SOAT1: variants seen among roughly 807,000 people sequenced by gnomAD.
The protein encoded by SOAT1 is sterol O-acyltransferase 1.
SOAT1 carries 55 observed loss-of-function variants against 69.5 expected under a neutral mutation model. The observed-to-expected ratio is 0.79, with a 90% CI of 0.64 to 0.99. The LOEUF (loss-of-function observed/expected upper bound fraction) is 0.99. Among genes scored for constraint, SOAT1 ranks in the 50% least tolerant of loss-of-function variants. The probability of loss-of-function intolerance (pLI) is 0.00; values close to 1 mark genes in which losing one functional copy is unlikely to be tolerated. For synonymous variants in SOAT1, 231 were observed against 224.7 expected (o/e 1.03, Z -0.25); for missense variants, 580 against 669.3 (o/e 0.87, Z 1.47).
chr1:179,297,631 G>A (rs1267914117), intron 1 of SOAT1, among the ~76,000 whole-genome samples: 1 of 149,788 alleles, frequency 6.7e-6, no homozygotes, highest in Non-Finnish European at 1.5e-5. Flanking sequence ...CGGTGCGCTT[G>A]TTTAAGAAAC....
chr1:179,350,892 T>C (rs1164516896), intron 14 of SOAT1, among the ~76,000 whole-genome samples: 7 of 152,172 alleles, frequency 4.6e-5, no homozygotes, highest in Admixed American at 3.3e-4. Flanking sequence ...TATTTTTCTT[T>C]ATAGAAACAG....
chr1:179,339,963 C>T (rs61824388), intron 6 of SOAT1, among the ~76,000 whole-genome samples: 35,893 of 152,068 alleles, frequency 0.24, 4,838 homozygotes, highest in East Asian at 0.38. Flanking sequence ...GCAAAACACA[C>T]ATATAAGAAT....
intron 2 of SOAT1, among the ~76,000 whole-genome samples, chr1:179,308,620 C>T (rs934475076): frequency 6.8e-6 from 1 of 147,660 alleles, no homozygotes; most frequent in Admixed American, 7.0e-5. Context: ...TTCAGTGAGC[C>T]GAGACCGCGC....
chr1:179,314,666 C>T (rs2124951889), intron 2 of SOAT1, among the ~76,000 whole-genome samples: 1 of 152,124 alleles, frequency 6.6e-6, no homozygotes, highest in South Asian at 2.1e-4. Context: ...CTTCAAGTGA[C>T]CCTCCTGTCT....
intron 2 of SOAT1, among the ~76,000 whole-genome samples, chr1:179,318,358 G>A (rs1665469126): frequency 1.3e-5 from 2 of 152,034 alleles, no homozygotes; most frequent in South Asian, 4.1e-4. Flanking sequence ...TACATACACA[G>A]GAGTTATACA....
intron 6 of SOAT1, 143 bp from the exon 7 acceptor site, chr1:179,340,885 T>G: frequency 1.6e-6 from 1 of 644,018 alleles, no homozygotes; most frequent in Non-Finnish European, 2.7e-6. Context: ...CTAGCAGAAC[T>G]ATTACATCCA....
chr1:179,351,894 A>G (rs1251999031), intron 15 of SOAT1, among the ~76,000 whole-genome samples: 1 of 151,048 alleles, frequency 6.6e-6, no homozygotes, highest in Non-Finnish European at 1.5e-5. Flanking sequence ...AAATTTTTGT[A>G]TTTTTAGTAG....
chr1:179,297,379 C>T (rs931920794), intron 1 of SOAT1, among the ~76,000 whole-genome samples: 3 of 152,126 alleles, frequency 2.0e-5, no homozygotes, highest in African/African-American at 4.8e-5. Context: ...CTCTGTCACC[C>T]AGGCTGGAGT....
intron 2 of SOAT1, among the ~76,000 whole-genome samples, chr1:179,318,426 A>G (rs918606689): frequency 1.3e-5 from 2 of 152,208 alleles, no homozygotes; most frequent in Non-Finnish European, 2.9e-5. Flanking sequence ...TTTTTGTTAT[A>G]AAATTACGAA....
At chr1:179,347,733 T>G in intron 12 of SOAT1, 36 bp downstream of exon 12, 1 of 1,185,882 alleles carries the variant, frequency 8.4e-7, no homozygotes, top group East Asian at 2.4e-5. Context: ...CTTTTTACAT[T>G]TTATTAACTT....
chr1:179,351,443 A>G lies in SOAT1; in HGVS notation c.1577A>G (p.Gln526Arg), dbSNP rs13306731. 142,491 of 1,612,870 alleles carry G rather than the reference A, an allele frequency of 0.088. 8,912 individuals carry two copies. Among genetic ancestry groups the G allele is most frequent in the East Asian group, 0.34 (15,449 of 44,858 alleles). The change falls in exon 15 of 16, where the codon CAG (glutamine) becomes CGG (arginine). Residue 526 changes from glutamine (Q) to arginine (R), a missense_variant. Coordinates refer to ENST00000367619, the MANE Select transcript of SOAT1 (RefSeq NM_003101.6). ...TATTCTCAAGAATGGTATGCACGTC[A>G]GCACTGTCCTCTGAAAAATGTGAGT... ...CFYSQEWYAR[Q>R]HCPLKNPTFL...
chr1:179,341,243 G>T lies in SOAT1; in HGVS notation c.713G>T (p.Gly238Val). Residue 238 changes from glycine to valine, a missense_variant, in exon 7 of 16, where the codon GGA becomes GTA. Physicochemically the swap from Gly to Val is moderately radical, Grantham distance 109 (BLOSUM62 -3). Transcript: ENST00000367619. ...TTCCAGATTGGAGTTCTAGGTTTTG[G>T]ACCAACATATGTTGTGTTAGCATAT... Reference protein sequence around the residue: ...MIFQIGVLGFGPTYVVLAYTL... With the variant: ...MIFQIGVLGFVPTYVVLAYTL... 6.2e-7 allele frequency: 1 copy of T among 1,614,004 alleles called. No homozygotes were observed. Among genetic ancestry groups the T allele is most frequent in the South Asian group, 1.1e-5 (1 of 91,080 alleles).
intron 1 of SOAT1, among the ~76,000 whole-genome samples, chr1:179,294,981 A>ATGAC (rs1352368275): frequency 6.6e-6 from 1 of 151,828 alleles, no homozygotes; most frequent in Non-Finnish European, 1.5e-5. Context: ...GTGTCAGTGA[A>ATGAC]TGACTTGTTA....
At position 179,316,246 on chromosome 1, in the gene SOAT1, C is replaced by T. The variant is rs188565125; in HGVS notation, c.119-7191C>T. 8.1e-4 allele frequency among the ~76,000 whole-genome samples: 123 copies of T among 152,274 alleles called. 1 individual carries two copies. Among genetic ancestry groups the T allele is most frequent in the Non-Finnish European group, 1.5e-3 (100 of 68,024 alleles). On this transcript the variant is annotated intron_variant, in intron 2 of 15. Coordinates refer to ENST00000367619, the MANE Select transcript of SOAT1 (RefSeq NM_003101.6). Reference sequence around the variant, plus strand: ...GCCATTATCGATAATTGAAGACATTCCACTGTCTCCTGGCTTCCATTGATG... The same window carrying T: ...GCCATTATCGATAATTGAAGACATTTCACTGTCTCCTGGCTTCCATTGATG...
intron 3 of SOAT1, among the ~76,000 whole-genome samples, chr1:179,328,527 G>A (rs1397826407): frequency 2.6e-5 from 4 of 152,134 alleles, no homozygotes; most frequent in Middle Eastern, 6.3e-3. Flanking sequence ...GGAAGGACAA[G>A]GTCATATAGT....
intron 14 of SOAT1, 32 bp from the exon 15 acceptor site, chr1:179,351,285 T>G: frequency 1.2e-6 from 2 of 1,605,840 alleles, no homozygotes; most frequent in East Asian, 4.5e-5. Flanking sequence ...CTCTGATAAC[T>G]GTATATTTCT....
rs145848611 is a variant in SOAT1, at chr1:179,333,320, C to A, written c.178-2186C>A. 3.1e-3 allele frequency among the ~76,000 whole-genome samples: 468 copies of A among 152,074 alleles called. 2 individuals carry two copies. Among genetic ancestry groups the A allele is most frequent in the African/African-American group, 0.011 (443 of 41,472 alleles). ...TAGAATCAAATTGAAAGGGAAAACA[C>A]CTGTACAACCTGGCCAATCAGACAG... On this transcript the variant is annotated intron_variant, in intron 3 of 15. Transcript: ENST00000367619.
chr1:179,313,799 G>T (rs1388867017), intron 2 of SOAT1, among the ~76,000 whole-genome samples: 2 of 152,090 alleles, frequency 1.3e-5, no homozygotes, highest in African/African-American at 2.4e-5. Flanking sequence ...GGTCAGGCTG[G>T]TCTCGAACTC....
At chr1:179,310,192 G>A (rs1013073705) in intron 2 of SOAT1, among the ~76,000 whole-genome samples, 4 of 143,406 alleles carry the variant, frequency 2.8e-5, no homozygotes, top group South Asian at 2.4e-4. Flanking sequence ...GAGCCACCAC[G>A]CCTGGCTGCT....
Sources: allele counts gnomAD v4.1 joint callset (sites outside exome capture counted in the v4.1 genomes callset), GRCh38; gene constraint gnomAD v4.1.1; transcripts MANE v1.5; gene names NCBI Gene and HGNC (gene_info 2026-07-23, HGNC 2026-07-21).